The following NACC2 variants were observed in gnomAD, a reference collection of about 807,000 sequenced individuals.
NACC2 encodes nucleus accumbens-associated protein 2.
In NACC2, 8 loss-of-function variants were observed where a neutral mutation model predicts 25.1. The observed-to-expected ratio is 0.32, with a 90% confidence interval of 0.19 to 0.57. The LOEUF is 0.57. Ranked by LOEUF, NACC2 falls within the 20% of genes least tolerant of loss-of-function variation. NACC2 has a pLI of 0.89. For missense variants in NACC2, 644 were observed against 650.2 expected, an observed-to-expected ratio of 0.99 and a Z score of 0.10; for synonymous variants, 435 against 294.7, an observed-to-expected ratio of 1.48 and a Z score of -4.88.
At chr9:136,051,615 G>C (rs940316284) in intron 1 of NACC2, among the ~76,000 whole-genome samples, 15 of 152,132 alleles carry the variant, frequency 9.9e-5, no homozygotes, top group Admixed American at 2.0e-4. Flanking sequence ...CAGAGGCGCC[G>C]GGTGGCGGGA....
chr9:136,047,941 G>C (rs1293299478), intron 2 of NACC2, among the ~76,000 whole-genome samples: 1 of 152,198 alleles, frequency 6.6e-6, no homozygotes, highest in Non-Finnish European at 1.5e-5. Context: ...AACACACCAA[G>C]GCCCAAGGTC....
chr9:136,053,862 C>A (rs978338452), intron 1 of NACC2, among the ~76,000 whole-genome samples: 2 of 152,258 alleles, frequency 1.3e-5, no homozygotes, highest in East Asian at 3.9e-4. Context: ...AGTACCTGGG[C>A]TGGGTAGGGC....
chr9:136,076,825 G>A (rs894128573), intron 1 of NACC2, among the ~76,000 whole-genome samples: 5 of 152,152 alleles, frequency 3.3e-5, no homozygotes, highest in South Asian at 2.1e-4. Context: ...TGGCTAACAC[G>A]GTGAAACCCC....
rs972026678 is a variant in NACC2, at chr9:136,086,175, C to T, written c.-60+9014G>A. On this transcript the variant is annotated intron_variant, in intron 1 of 5. Transcript: ENST00000277554. This position sits in a 1 kb window ranked among gnomAD's most constrained non-coding sequence, Gnocchi z 5.6. ...TTCTAAAAACCTTCAGAAGCCACTC[C>T]CTGAATGTGGCCAGGACCCTCCATG... Among the ~76,000 whole-genome samples, 5 of 152,224 alleles carry T rather than the reference C, an allele frequency of 3.3e-5. No homozygotes were observed. Among genetic ancestry groups the T allele is most frequent in the Admixed American group, 1.3e-4 (2 of 15,286 alleles).
At chr9:136,053,152 G>T (rs1840873384) in intron 1 of NACC2, among the ~76,000 whole-genome samples, 1 of 152,222 alleles carries the variant, frequency 6.6e-6, no homozygotes, top group East Asian at 1.9e-4. Context: ...GGCCTGGTGG[G>T]AGGCAAGGCG....
intron 1 of NACC2, among the ~76,000 whole-genome samples, chr9:136,085,870 A>T (rs978937914): frequency 1.3e-5 from 2 of 152,218 alleles, no homozygotes; most frequent in African/African-American, 4.8e-5. Flanking sequence ...TGTGGAAACA[A>T]GGGGTTGGCA....
At chr9:136,034,736 T>C (rs978986487) in intron 2 of NACC2, among the ~76,000 whole-genome samples, 8 of 151,572 alleles carry the variant, frequency 5.3e-5, no homozygotes, top group African/African-American at 1.2e-4. Flanking sequence ...GTGGGGGATA[T>C]AGGGGAAGCT....
At chr9:136,069,994 C>T (rs545244977) in intron 1 of NACC2, among the ~76,000 whole-genome samples, 103 of 151,988 alleles carry the variant, frequency 6.8e-4, no homozygotes, top group Non-Finnish European at 1.1e-3. Context: ...AACAGCAGAA[C>T]ATATGTTCTT....
At chr9:136,015,706 A>T (rs1483367252) in intron 3 of NACC2, among the ~76,000 whole-genome samples, 1 of 152,226 alleles carries the variant, frequency 6.6e-6, no homozygotes, top group Non-Finnish European at 1.5e-5. Context: ...CCCAATAGTC[A>T]CCAAAGAAGA....
rs1346446177 is a variant in NACC2 at position 136,018,622 on chromosome 9, T to C, written c.887-2193A>G. Among the ~76,000 whole-genome samples the C allele has an allele frequency of 6.6e-6, 1 of 151,846 alleles. No individual in the cohort carries two copies. On this transcript the variant is annotated intron_variant, in intron 2 of 5. Transcript: ENST00000277554. This position sits in a 1 kb window ranked among gnomAD's most constrained non-coding sequence, Gnocchi z 4.4. ...GGCCCAGGGACACCCAAGCAGAGGC[T>C]GCAACAGAACAGAGGCCAGAAAGGG...
At chr9:136,031,041 T>C (rs1263174704) in intron 2 of NACC2, among the ~76,000 whole-genome samples, 2 of 152,118 alleles carry the variant, frequency 1.3e-5, no homozygotes, top group African/African-American at 4.8e-5. Context: ...GGAAATAGAT[T>C]ATGTGAACTA....
At chr9:136,048,690 C>T (rs1167960331) in intron 2 of NACC2, among the ~76,000 whole-genome samples, 6 of 152,376 alleles carry the variant, frequency 3.9e-5, no homozygotes, top group African/African-American at 7.2e-5. Context: ...CCTGCTGTCC[C>T]GGCTGTGGTG....
At chr9:136,015,658 G>A (rs1356933879) in intron 3 of NACC2, among the ~76,000 whole-genome samples, 4 of 152,220 alleles carry the variant, frequency 2.6e-5, no homozygotes, top group Non-Finnish European at 5.9e-5. Flanking sequence ...CAAGCTTGGG[G>A]CTTCCTGGAA....
In NACC2 at chr9:136,070,668, GAA is replaced by G. The variant is rs34755994; in HGVS notation, c.-59-20090_-59-20089del. Among the ~76,000 whole-genome samples the G allele has an allele frequency of 3.5e-4, 48 of 135,876 alleles. 1 individual carries two copies. Among genetic ancestry groups the G allele is most frequent in the South Asian group, 6.9e-4 (3 of 4,360 alleles). The allele number at this position is 135,876 out of a possible 152,430, so 89.1% of individuals were successfully genotyped here. ...TATAAGCTCTCATCTCAAGGAATCAGAAAAAAAAAAAACAAAAACCAAAAACT... is the reference window on the plus strand; with the variant it reads ...TATAAGCTCTCATCTCAAGGAATCAGAAAAAAAAAACAAAAACCAAAAACT... On this transcript the variant is annotated intron_variant, in intron 1 of 5. Transcript: ENST00000277554.
chr9:136,037,827 G>T (rs12115575), intron 2 of NACC2, among the ~76,000 whole-genome samples: 1,893 of 151,710 alleles, frequency 0.012, 14 homozygotes, highest in Non-Finnish European at 0.019. Context: ...ATTTCTATTG[G>T]GTCAATTAAC....
At chr9:136,061,514 C>T (rs1841009797) in intron 1 of NACC2, among the ~76,000 whole-genome samples, 1 of 152,194 alleles carries the variant, frequency 6.6e-6, no homozygotes, top group African/African-American at 2.4e-5. Context: ...AGAGAGAAGG[C>T]AGCTGGGGTA....
chr9:136,088,309 A>G (rs990036323), intron 1 of NACC2, among the ~76,000 whole-genome samples: 11 of 152,270 alleles, frequency 7.2e-5, no homozygotes, highest in African/African-American at 1.9e-4. Context: ...GGCAGGGGAC[A>G]CACTGTACTC....
rs977507426 is a variant in NACC2 at position 136,006,545 on chromosome 9, G to C, written c.*4971C>G. 1 of 152,238 alleles carries C rather than the reference G, an allele frequency of 6.6e-6. No homozygotes were observed. Among genetic ancestry groups the C allele is most frequent in the East Asian group, 1.9e-4 (1 of 5,192 alleles). The allele number at this position is 152,238 out of a possible 1,614,324, so 9.4% of individuals were successfully genotyped here. A position where few individuals can be genotyped will look rare whatever the true frequency, so the allele number is the denominator to read the frequency against. On this transcript the variant is annotated 3_prime_UTR_variant, in exon 6 of 6. Coordinates refer to ENST00000277554, the MANE Select transcript of NACC2 (RefSeq NM_144653.5). ...AGCCAAGTCCAGGAAACTTAGGTTTGAACTGACTTTATTATTTTGTAAATG... is the reference window on the plus strand; with the variant it reads ...AGCCAAGTCCAGGAAACTTAGGTTTCAACTGACTTTATTATTTTGTAAATG...
rs1830379882 is a variant in NACC2, at chr9:136,086,486, C to T, written c.-60+8703G>A. 2.6e-5 allele frequency among the ~76,000 whole-genome samples: 4 copies of T among 152,078 alleles called. No individual in the cohort carries two copies. Among genetic ancestry groups the T allele is most frequent in the Admixed American group, 2.0e-4 (3 of 15,280 alleles). ...CCCTGAGGTCTGGCTTGGTGTGGGC[C>T]CCAGGGACGTCGCATGCCCCCAGCT... On this transcript the variant is annotated intron_variant, in intron 1 of 5. Transcript: ENST00000277554. The surrounding 1 kb of genome is among the most constrained non-coding windows in gnomAD (Gnocchi z 5.6).
Sources: allele counts gnomAD v4.1 joint callset (sites outside exome capture counted in the v4.1 genomes callset), GRCh38; gene constraint gnomAD v4.1.1; non-coding constraint Gnocchi (gnomAD v3.1); transcripts MANE v1.5; gene names NCBI Gene and HGNC (gene_info 2026-07-23, HGNC 2026-07-21).